The following CNTNAP3B variants were observed in gnomAD, a reference collection of about 807,000 sequenced individuals.
CNTNAP3B encodes contactin associated protein family member 3B, also known as contactin-associated protein-like 3B.
CNTNAP3B carries 25 observed loss-of-function variants against 108.9 expected under a neutral mutation model. That is an observed-to-expected ratio of 0.23 (90% CI 0.17 to 0.32). The LOEUF is 0.32. Ranked by LOEUF, CNTNAP3B falls within the 10% of genes least tolerant of loss-of-function variation. The pLI is 1.00. For synonymous variants in CNTNAP3B, 103 were observed against 473.4 expected (o/e 0.22, Z 10.16); for missense variants, 252 against 1,210.4 (o/e 0.21, Z 11.75).
chr9:41,963,584 G>A (rs1178429115), intron 11 of CNTNAP3B, among the ~76,000 whole-genome samples: 3 of 151,412 alleles, frequency 2.0e-5, no homozygotes, highest in Non-Finnish European at 4.4e-5. Flanking sequence ...TCTACCAGAA[G>A]CATGAGGAAG....
rs200063008 is a variant in CNTNAP3B at position 41,929,330 on chromosome 9, G to C, written c.2352C>G (p.Leu784=). 579 of 1,541,874 alleles carry C rather than the reference G, an allele frequency of 3.8e-4. 26 individuals carry two copies. Among genetic ancestry groups the C allele is most frequent in the Middle Eastern group, 8.5e-4 (4 of 4,686 alleles). ...SEADYTLGPL[L]CRGDKSFWNS... ...GACACTACTTACTATCTCCGCGGCA[G>C]AGCAGTGGCCCCAGTGTATAATCTG... Residue 784 remains leucine, a synonymous_variant, in exon 15 of 24, where the codon CTC becomes CTG. Coordinates refer to ENST00000377561, the MANE Select transcript of CNTNAP3B (RefSeq NM_001201380.3).
intron 9 of CNTNAP3B, among the ~76,000 whole-genome samples, chr9:41,977,395 T>A (rs1251986324): frequency 7.1e-6 from 1 of 141,628 alleles, no homozygotes; most frequent in Non-Finnish European, 1.5e-5. Context: ...GGCTTATTTG[T>A]TTTTTGTTAT....
intron 2 of CNTNAP3B, among the ~76,000 whole-genome samples, chr9:42,098,634 G>A (rs542734246): frequency 1.1e-5 from 1 of 90,390 alleles, no homozygotes; most frequent in Admixed American, 1.1e-4. Flanking sequence ...TAAGACTTTG[G>A]CCCTACAATA....
At chr9:41,918,357 A>T (rs1389852066) in intron 18 of CNTNAP3B, among the ~76,000 whole-genome samples, 1 of 148,148 alleles carries the variant, frequency 6.8e-6, no homozygotes, top group Non-Finnish European at 1.5e-5. Context: ...TCTGAGAGAG[A>T]AAAGTTGAAG....
chr9:41,990,305 C>A (rs1825781807), intron 8 of CNTNAP3B, among the ~76,000 whole-genome samples: 2 of 130,482 alleles, frequency 1.5e-5, no homozygotes, highest in African/African-American at 3.1e-5. Flanking sequence ...ACGATTTTAA[C>A]CTTTCTTGGA....
intron 3 of CNTNAP3B, among the ~76,000 whole-genome samples, chr9:42,043,678 CAAAT>C (rs1826810138): frequency 2.4e-5 from 1 of 41,034 alleles, no homozygotes; most frequent in South Asian, 7.8e-4. Flanking sequence ...ATTTATCTCA[CAAAT>C]AAATGTTTAT....
intron 2 of CNTNAP3B, among the ~76,000 whole-genome samples, chr9:42,094,146 C>T (rs1407360149): frequency 7.2e-6 from 1 of 138,338 alleles, no homozygotes; most frequent in East Asian, 2.2e-4. Context: ...TTGCACAAAG[C>T]GTAAGAAAAG....
At chr9:41,952,899 C>T (rs1466075915) in intron 13 of CNTNAP3B, among the ~76,000 whole-genome samples, 5 of 151,580 alleles carry the variant, frequency 3.3e-5, no homozygotes, top group Non-Finnish European at 7.4e-5. Context: ...TCAGTGTGAA[C>T]GGAAAGCTAA....
intron 2 of CNTNAP3B, among the ~76,000 whole-genome samples, chr9:42,078,778 C>T (rs1475837413): frequency 1.4e-5 from 2 of 147,568 alleles, no homozygotes; most frequent in Non-Finnish European, 3.0e-5. Context: ...TTATGTGAGC[C>T]CCTGCCAGAG....
intron 11 of CNTNAP3B, among the ~76,000 whole-genome samples, chr9:41,963,431 G>A (rs994028645): frequency 5.3e-5 from 8 of 150,420 alleles, no homozygotes; most frequent in South Asian, 2.1e-4. Context: ...ATTATAACAG[G>A]TTAGAGTTCA....
intron 17 of CNTNAP3B, among the ~76,000 whole-genome samples, chr9:41,920,523 T>G (rs1375664613): frequency 6.6e-6 from 1 of 152,254 alleles, no homozygotes; most frequent in Non-Finnish European, 1.5e-5. Context: ...CTTTCAAACA[T>G]GGTGAGTCTG....
chr9:41,939,358 T>C (rs1824261853), intron 13 of CNTNAP3B, among the ~76,000 whole-genome samples: 1 of 152,308 alleles, frequency 6.6e-6, no homozygotes, highest in Non-Finnish European at 1.5e-5. Context: ...TTTCAATAGG[T>C]TGTTACCATT....
chr9:41,942,707 G>A (rs1165720121), intron 13 of CNTNAP3B, among the ~76,000 whole-genome samples: 3 of 152,250 alleles, frequency 2.0e-5, no homozygotes, highest in African/African-American at 4.8e-5. Context: ...TACATTACCT[G>A]TATAGTAACA....
chr9:41,933,750 T>C (rs986696055), intron 14 of CNTNAP3B, among the ~76,000 whole-genome samples: 5 of 152,288 alleles, frequency 3.3e-5, no homozygotes, highest in Non-Finnish European at 7.3e-5. Context: ...TTTTCATCAC[T>C]TACATCTATT....
At position 42,095,789 on chromosome 9, in the gene CNTNAP3B, T is replaced by C. The variant is rs568961911; in HGVS notation, c.196+8840A>G. On this transcript the variant is annotated intron_variant, in intron 2 of 23. Transcript: ENST00000377561. ...TTGAAAATTCCTTCAGGGGTTCTTT[T>C]ACTTCCCCTTCATCCCCAGAGTTAA... is the stretch of plus-strand genomic sequence containing the variant. Among the ~76,000 whole-genome samples the C allele has an allele frequency of 9.5e-5, 13 of 136,520 alleles. 5 individuals are homozygous for C. Among genetic ancestry groups the C allele is most frequent in the African/African-American group, 3.8e-4 (13 of 33,848 alleles). 89.6% of individuals were successfully genotyped at this position (136,520 alleles called of 152,430 possible).
In CNTNAP3B at chr9:42,077,118, G is replaced by C; in HGVS notation, c.197-56C>G. On this transcript the variant is annotated intron_variant, in intron 2 of 23. Transcript: ENST00000377561. Reference sequence around the variant, plus strand: ...GTAGAGGAGGAAGTTATTTAACATAGCTGTTACTAGATTAGAAAACTATAA... The same window carrying C: ...GTAGAGGAGGAAGTTATTTAACATACCTGTTACTAGATTAGAAAACTATAA... 6 of 1,374,356 alleles carry C rather than the reference G, an allele frequency of 4.4e-6. 2 individuals carry two copies. In the East Asian group the frequency reaches 1.5e-4, roughly 34 times the overall value. The allele number at this position is 1,374,356 out of a possible 1,614,324, so 85.1% of individuals were successfully genotyped here. A position where few individuals can be genotyped will look rare whatever the true frequency, so the allele number is the denominator to read the frequency against.
intron 18 of CNTNAP3B, among the ~76,000 whole-genome samples, chr9:41,917,840 T>C (rs1225772796): frequency 6.7e-6 from 1 of 149,466 alleles, no homozygotes; most frequent in Non-Finnish European, 1.5e-5. Context: ...TAGTAGGACC[T>C]GGGTAGAGAG....
intron 14 of CNTNAP3B, among the ~76,000 whole-genome samples, chr9:41,934,784 G>T (rs1824103808): frequency 6.6e-6 from 1 of 152,238 alleles, no homozygotes; most frequent in Non-Finnish European, 1.5e-5. Context: ...AATCCAATAT[G>T]ATAAAATCTA....
At chr9:41,967,437 T>A (rs1362251156) in intron 10 of CNTNAP3B, among the ~76,000 whole-genome samples, 1 of 151,534 alleles carries the variant, frequency 6.6e-6, no homozygotes, top group Non-Finnish European at 1.5e-5. Flanking sequence ...TCCCCAGCCA[T>A]GTGGAACTGT....
Sources: allele counts gnomAD v4.1 joint callset (sites outside exome capture counted in the v4.1 genomes callset), GRCh38; gene constraint gnomAD v4.1.1; transcripts MANE v1.5; gene names NCBI Gene and HGNC (gene_info 2026-07-23, HGNC 2026-07-21).